The following TXNIP variants were observed in gnomAD, a reference collection of about 807,000 sequenced individuals.
TXNIP encodes the protein thioredoxin interacting protein.
TXNIP carries 23 observed loss-of-function variants against 43.9 expected under a neutral mutation model. The ratio of observed to expected loss-of-function variants is 0.52; its 90% CI spans 0.38 to 0.74. The LOEUF (loss-of-function observed/expected upper bound fraction) is 0.74. Among genes scored for constraint, TXNIP ranks in the 30% least tolerant of loss-of-function variants. TXNIP has a pLI of 0.00. For missense variants in TXNIP, 555 were observed against 485.4 expected, an observed-to-expected ratio of 1.14 and a Z score of -1.35; for synonymous variants, 234 against 172.2, an observed-to-expected ratio of 1.36 and a Z score of -2.81.
intron 1 of TXNIP, chr1:145,995,695 ACC>A: frequency 3.2e-6 from 2 of 621,206 alleles, no homozygotes; most frequent in Non-Finnish European, 2.8e-6. Flanking sequence ...TGAAAGATTC[ACC>A]CAGGACAGTT....
rs1446753401 is a variant in TXNIP, at chr1:145,995,437, T to C, written c.290A>G (p.Tyr97Cys). 8.1e-6 allele frequency: 13 copies of C among 1,614,060 alleles called. No homozygotes were observed. Reference sequence around the variant, plus strand: ...AAGCTCAAAGCCGAACTTGTACTCATATTTGTTTCCAGGTCTCATGATCAC... The same window carrying C: ...AAGCTCAAAGCCGAACTTGTACTCACATTTGTTTCCAGGTCTCATGATCAC... ...EMVIMRPGNK[Y>C]EYKFGFELPQ... is the part of the protein sequence containing the mutation. The change falls in exon 2 of 8, where the codon TAT becomes TGT. Residue 97 changes from tyrosine (Y) to cysteine (C), a missense_variant. Coordinates refer to ENST00000582401, the MANE Select transcript of TXNIP (RefSeq NM_006472.6).
intron 1 of TXNIP, 54 bp from the exon 2 acceptor site, chr1:145,995,530 C>T: frequency 1.3e-6 from 2 of 1,533,254 alleles, no homozygotes; most frequent in Non-Finnish European, 1.8e-6. Flanking sequence ...ACTTAAAATG[C>T]ATCTGTGTGA....
rs1651529760 is a variant in TXNIP at position 145,996,302 on chromosome 1, C to A, written c.-36G>T. The stretch of plus-strand genomic sequence containing the variant: ...AGTTGGTTTTAAGAGTTAGAAATGA[C>A]GGTGGAAGAAAAAAAAAGCTCCAAA... On this transcript the variant is annotated 5_prime_UTR_variant, in exon 1 of 8. Coordinates refer to ENST00000582401, the MANE Select transcript of TXNIP (RefSeq NM_006472.6). The A allele has an allele frequency of 8.3e-6, 13 of 1,563,222 alleles. No individual in the cohort carries two copies. Among genetic ancestry groups the A allele is most frequent in the East Asian group, 2.3e-5 (1 of 44,146 alleles).
chr1:145,993,818 A>G lies in TXNIP; in HGVS notation c.*33T>C. On this transcript the variant is annotated 3_prime_UTR_variant, in exon 8 of 8. Coordinates refer to ENST00000582401, the MANE Select transcript of TXNIP (RefSeq NM_006472.6). ...CCAGGAAGAGAGACAAAAAGAAACAAGTAGGTAAAGCTGCTTCTTTTCTTC... is the reference window on the plus strand; with the variant it reads ...CCAGGAAGAGAGACAAAAAGAAACAGGTAGGTAAAGCTGCTTCTTTTCTTC... 1 of 1,613,490 alleles carries G rather than the reference A, an allele frequency of 6.2e-7. No individual in the cohort carries two copies. The highest frequency in any genetic ancestry group is 8.5e-7 in the Non-Finnish European group (1 of 1,179,582).
rs781801491 is a variant in TXNIP at position 145,996,274 on chromosome 1, C to A, written c.-8G>T. ...CTTCTTGAACATCACCATGATGGAACTGAGTTGGTTTTAAGAGTTAGAAAT... is the reference window on the plus strand; with the variant it reads ...CTTCTTGAACATCACCATGATGGAAATGAGTTGGTTTTAAGAGTTAGAAAT... On this transcript the variant is annotated 5_prime_UTR_variant, in exon 1 of 8. Transcript: ENST00000582401. 5 of 1,611,686 alleles carry A rather than the reference C, an allele frequency of 3.1e-6. No individual in the cohort carries two copies. In the East Asian group the frequency reaches 1.1e-4, roughly 36 times the overall value.
chr1:145,994,116 G>A lies in TXNIP; in HGVS notation c.1040C>T (p.Pro347Leu). The A allele has an allele frequency of 6.2e-7, 1 of 1,614,174 alleles. No individual in the cohort carries two copies. The highest frequency in any genetic ancestry group is 8.5e-7 in the Non-Finnish European group (1 of 1,180,030). Residue 347 changes from proline (P) to leucine (L), a missense_variant, in exon 7 of 8, where the codon CCA becomes CTA. Transcript: ENST00000582401. ...VIPEDHRLES[P>L]TTPLLDDMDG... ...CATGTCATCTAGCAGAGGAGTGGTT[G>A]GGCTCTCCAATCGGTGATCTTCAGG...
At chr1:145,995,553 G>A in intron 1 of TXNIP, 77 bp from the exon 2 acceptor site, 3 of 1,362,154 alleles carry the variant, frequency 2.2e-6, no homozygotes, top group Non-Finnish European at 2.1e-6. Context: ...AGGAATGCTT[G>A]GGTGGCATGC....
chr1:145,993,824 TA>T lies in TXNIP; in HGVS notation c.*26del. ...AGAGAGACAAAAAGAAACAAGTAGG[TA>T]AAGCTGCTTCTTTTCTTCCACATGC... On this transcript the variant is annotated 3_prime_UTR_variant, in exon 8 of 8. Transcript: ENST00000582401. 6.2e-7 allele frequency: 1 copy of T among 1,613,838 alleles called. No homozygotes were observed. Among genetic ancestry groups the T allele is most frequent in the Non-Finnish European group, 8.5e-7 (1 of 1,179,844 alleles).
chr1:145,993,592 G>T lies in TXNIP; in HGVS notation c.*259C>A. On this transcript the variant is annotated 3_prime_UTR_variant, in exon 8 of 8. Coordinates refer to ENST00000582401, the MANE Select transcript of TXNIP (RefSeq NM_006472.6). ...TTCAAGGAGATCTGAGAAAATGGAT[G>T]GGCCTGAGTTTTTCTAGTTATTTTT... The T allele has an allele frequency of 2.7e-6, 1 of 376,124 alleles. No homozygotes were observed. The highest frequency in any genetic ancestry group is 4.8e-6 in the Non-Finnish European group (1 of 207,240). 23.3% of individuals were successfully genotyped at this position (376,124 alleles called of 1,614,324 possible).
Position 145,994,960 on chromosome 1 carries a change from A to G in TXNIP, c.543T>C (p.Ser181=). The part of the protein sequence containing the change: ...MFIPDGRVSV[S]ARIDRKGFCE... ...AGAATCCTTTTCTGTCAATTCGAGC[A>G]GAGACAGACACCCGCCCATCAGGAA... The change falls in exon 4 of 8, where the codon TCT becomes TCC. Residue 181 remains serine (S), a synonymous_variant. Transcript: ENST00000582401. 1 of 1,614,196 alleles carries G rather than the reference A, an allele frequency of 6.2e-7. No individual in the cohort carries two copies. Among genetic ancestry groups the G allele is most frequent in the Non-Finnish European group, 8.5e-7 (1 of 1,180,028 alleles).
In TXNIP at chr1:145,994,401, G is replaced by A. The variant is rs1553766008; in HGVS notation, c.868C>T (p.Leu290Phe). Residue 290 changes from leucine to phenylalanine, a missense_variant, in exon 6 of 8, where the codon CTT (leucine) becomes TTT (phenylalanine). By Grantham distance (22) the Leu-to-Phe change is conservative. Coordinates refer to ENST00000582401, the MANE Select transcript of TXNIP (RefSeq NM_006472.6). ...VSVPGSKKVI[L>F]DLPLVIGSRS... ...CTGCCAATTACCAGGGGCAGGTCAA[G>A]GATGACCTTCTTGGATCCAGGAACG... 16 of 1,613,934 alleles carry A rather than the reference G, an allele frequency of 9.9e-6. No individual in the cohort carries two copies. The highest frequency in any genetic ancestry group is 1.7e-5 in the Admixed American group (1 of 59,970).
At position 145,993,449 on chromosome 1, in the gene TXNIP, G is replaced by T. The variant is rs7211; in HGVS notation, c.*402C>A. On this transcript the variant is annotated 3_prime_UTR_variant, in exon 8 of 8. Transcript: ENST00000582401. ...AAATTGGCTCTTCTCCACATGATAC[G>T]TAAGTTCAAGGTCCAAAGTTCCTAT... 50 of 164,644 alleles carry T rather than the reference G, an allele frequency of 3.0e-4. No homozygotes were observed. Among genetic ancestry groups the T allele is most frequent in the African/African-American group, 1.1e-3 (47 of 41,630 alleles). 10.2% of individuals were successfully genotyped at this position (164,644 alleles called of 1,614,324 possible).
At chr1:145,995,070 C>T in intron 3 of TXNIP, 39 bp from the exon 4 acceptor site, 3 of 1,613,376 alleles carry the variant, frequency 1.9e-6, no homozygotes, top group Non-Finnish European at 2.5e-6. Context: ...TGAGATGCTT[C>T]AATCTAATGC....
chr1:145,995,833 C>A (rs1422534418), intron 1 of TXNIP, 184 bp downstream of exon 1: 2 of 801,770 alleles, frequency 2.5e-6, no homozygotes, highest in Non-Finnish European at 3.8e-6. Flanking sequence ...AAAAATTGTA[C>A]AAATCACCCT....
At position 145,995,405 on chromosome 1, in the gene TXNIP, CCT is replaced by C. The variant is rs782018028; in HGVS notation, c.320_321del (p.Gln107ArgfsTer23). On this transcript the variant is annotated frameshift_variant and splice_region_variant, in exon 2 of 8. Transcript: ENST00000582401. LOFTEE classifies it high-confidence loss of function. ...AAGATGCATTTAGCTGATATTTACC[CCT>C]GAGGAAGCTCAAAGCCGAACTTGTA... The part of the protein sequence containing the change: ...YEYKFGFELP[Q>X]GPLGTSFKGK... 9 of 1,613,678 alleles carry C rather than the reference CCT, an allele frequency of 5.6e-6. No individual in the cohort carries two copies. Among genetic ancestry groups the C allele is most frequent in the Non-Finnish European group, 7.6e-6 (9 of 1,179,730 alleles).
In TXNIP at chr1:145,994,740, T is replaced by A; in HGVS notation, c.635A>T (p.Lys212Ile). ...ENTCSRIVVP[K>I]AAIVARHTYL... Reference sequence around the variant, plus strand: ...AGTGTGGCGGGCCACAATGGCAGCTTTGGGGACCACAATTCGGGAACATGT... The same window carrying A: ...AGTGTGGCGGGCCACAATGGCAGCTATGGGGACCACAATTCGGGAACATGT... Residue 212 changes from lysine (K) to isoleucine (I), a missense_variant, in exon 5 of 8, where the codon AAA becomes ATA. By Grantham distance (102) the Lys-to-Ile change is moderately radical. Transcript: ENST00000582401. The A allele has an allele frequency of 6.2e-7, 1 of 1,614,226 alleles. No homozygotes were observed.
At position 145,996,215 on chromosome 1, in the gene TXNIP, C is replaced by G. The variant is rs781888294; in HGVS notation, c.52G>C (p.Glu18Gln). Reference sequence around the variant, plus strand: ...TTCTCGCCACTGCCGTACACCTTTTCAGGGTCGTTAAAGACCACCTCAAAA... The same window carrying G: ...TTCTCGCCACTGCCGTACACCTTTTGAGGGTCGTTAAAGACCACCTCAAAA... Reference protein sequence around the residue: ...KSFEVVFNDPEKVYGSGEKVA... With the variant: ...KSFEVVFNDPQKVYGSGEKVA... Residue 18 changes from glutamate to glutamine, a missense_variant, in exon 1 of 8, where the codon GAA becomes CAA. Transcript: ENST00000582401. 6.2e-7 allele frequency: 1 copy of G among 1,614,016 alleles called. No individual in the cohort carries two copies. Among genetic ancestry groups the G allele is most frequent in the Non-Finnish European group, 8.5e-7 (1 of 1,180,024 alleles).
rs782403189 is a variant in TXNIP at position 145,995,005 on chromosome 1, C to G, written c.498G>C (p.Lys166Asn). The G allele has an allele frequency of 1.9e-6, 3 of 1,613,944 alleles. No individual in the cohort carries two copies. Among genetic ancestry groups the G allele is most frequent in the Admixed American group, 1.7e-5 (1 of 59,992 alleles). Reference sequence around the variant, plus strand: ...CAGGAATGAACATGCAGGAAACTTTCTTTTCTTTTTTAGCAGACACAGGTG... The same window carrying G: ...CAGGAATGAACATGCAGGAAACTTTGTTTTCTTTTTTAGCAGACACAGGTG... ...LMAPVSAKKE[K>N]KVSCMFIPDG... The change falls in exon 4 of 8, where the codon AAG (lysine) becomes AAC (asparagine). Residue 166 changes from lysine to asparagine, a missense_variant. Lys to Asn is a moderately conservative substitution (Grantham distance 94). Coordinates refer to ENST00000582401, the MANE Select transcript of TXNIP (RefSeq NM_006472.6).
rs587711312 is a variant in TXNIP, at chr1:145,992,489, T to C, written c.*1362A>G. 6.5e-6 allele frequency: 1 copy of C among 152,730 alleles called. No individual in the cohort carries two copies. Among genetic ancestry groups the C allele is most frequent in the Admixed American group, 6.5e-5 (1 of 15,290 alleles). 9.5% of individuals were successfully genotyped at this position (152,730 alleles called of 1,614,324 possible). A position where few individuals can be genotyped will look rare whatever the true frequency, so the allele number is the denominator to read the frequency against. ...TCATTTTTTACAAAGAATATCCCCATCTGGGGTAAAAATATATCTGGTTAA... is the reference window on the plus strand; with the variant it reads ...TCATTTTTTACAAAGAATATCCCCACCTGGGGTAAAAATATATCTGGTTAA... On this transcript the variant is annotated 3_prime_UTR_variant, in exon 8 of 8. Coordinates refer to ENST00000582401, the MANE Select transcript of TXNIP (RefSeq NM_006472.6).
Sources: gnomAD v4.1 joint callset for allele counts on GRCh38, gnomAD v4.1.1 for gene constraint, MANE v1.5 for transcripts, NCBI Gene and HGNC (gene_info 2026-07-23, HGNC 2026-07-21) for gene names.